The following LARGE1 variants were observed in gnomAD, a reference collection of about 807,000 sequenced individuals.
LARGE1 encodes the protein LARGE xylosyl- and glucuronyltransferase 1.
Under a neutral mutation model 87.6 loss-of-function variants are expected in LARGE1, and 43 were observed. The observed-to-expected ratio is 0.49, with a 90% confidence interval of 0.38 to 0.63. LARGE1 has a LOEUF of 0.63. Among genes scored for constraint, LARGE1 ranks in the 30% least tolerant of loss-of-function variants. The pLI, the probability that LARGE1 is intolerant of heterozygous loss-of-function variation, is 0.00. For missense variants in LARGE1, 802 were observed against 1,000.2 expected (o/e 0.80, Z 2.67); for synonymous variants, 434 against 394.6 (o/e 1.10, Z -1.18).
intron 2 of LARGE1, among the ~76,000 whole-genome samples, chr22:33,665,233 C>A (rs968176338): frequency 6.6e-6 from 1 of 152,328 alleles, no homozygotes; most frequent in Admixed American, 6.5e-5. Context: ...TTCTCCACTC[C>A]ACAAATCACA....
chr22:33,373,809 C>G (rs1054070093), intron 9 of LARGE1, among the ~76,000 whole-genome samples: 1 of 151,894 alleles, frequency 6.6e-6, no homozygotes, highest in Non-Finnish European at 1.5e-5. Flanking sequence ...CCTGTCTCTA[C>G]TAAAAATACA....
intron 6 of LARGE1, among the ~76,000 whole-genome samples, chr22:33,493,135 G>T (rs2069932220): frequency 6.7e-6 from 1 of 149,018 alleles, no homozygotes; most frequent in Non-Finnish European, 1.5e-5. Flanking sequence ...CAAATGGATA[G>T]CTCTACAAGC....
chr22:33,239,077 A>G (rs986593740), intron 11 of LARGE1, among the ~76,000 whole-genome samples: 3 of 151,308 alleles, frequency 2.0e-5, no homozygotes, highest in African/African-American at 7.3e-5. Context: ...CAAAAAGGAG[A>G]GAGAAGGCAA....
chr22:33,294,186 C>A (rs1448875374), intron 12 of LARGE1, among the ~76,000 whole-genome samples: 1 of 152,254 alleles, frequency 6.6e-6, no homozygotes, highest in East Asian at 1.9e-4. Context: ...AATGCCCGTG[C>A]TGACTTCTTT....
intron 1 of LARGE1, among the ~76,000 whole-genome samples, chr22:33,902,515 AT>A (rs1948353660): frequency 6.6e-6 from 1 of 152,014 alleles, no homozygotes; most frequent in Non-Finnish European, 1.5e-5. Flanking sequence ...AACCCCAAGC[AT>A]TTTTCGCAAA....
chr22:33,096,682 C>A, the LARGE1 span, among the ~76,000 whole-genome samples: 2 of 150,640 alleles, frequency 1.3e-5, no homozygotes, highest in Non-Finnish European at 1.5e-5. Context: ...CTCCTGCCTC[C>A]GCCTCCCGAG....
chr22:33,359,410 G>A (rs1432057608), intron 9 of LARGE1, among the ~76,000 whole-genome samples: 2 of 152,056 alleles, frequency 1.3e-5, no homozygotes, highest in African/African-American at 4.8e-5. Context: ...GTCATGCCTG[G>A]AACACCATTC....
chr22:33,610,840 C>G (rs1407138733), intron 4 of LARGE1, among the ~76,000 whole-genome samples: 1 of 152,162 alleles, frequency 6.6e-6, no homozygotes, highest in African/African-American at 2.4e-5. Context: ...CACCATTGCC[C>G]TGCACCACCC....
At chr22:33,090,072 G>C in the LARGE1 span, among the ~76,000 whole-genome samples, 2 of 152,104 alleles carry the variant, frequency 1.3e-5, no homozygotes, top group African/African-American at 4.8e-5. Context: ...CAGATGTGGT[G>C]GTGGGCACCT....
chr22:33,591,579 ATTCT>A lies in LARGE1; in HGVS notation c.615+12852_615+12855del, dbSNP rs1467784925. On this transcript the variant is annotated intron_variant, in intron 5 of 14. Transcript: ENST00000397394. ...CTTTCATCAGATAGATGCTTGGCAA[ATTCT>A]TTCTTTCAGTCTGTAGCTTATCCTT... 3.3e-5 allele frequency among the ~76,000 whole-genome samples: 5 copies of A among 152,028 alleles called. No individual in the cohort carries two copies. In the East Asian group the frequency reaches 5.8e-4, roughly 18 times the overall value.
chr22:33,647,636 G>T (rs2080659970), intron 3 of LARGE1, among the ~76,000 whole-genome samples: 1 of 152,214 alleles, frequency 6.6e-6, no homozygotes, highest in South Asian at 2.1e-4. Flanking sequence ...GCTTAAGCCA[G>T]TGTTAGTTGG....
chr22:33,898,521 G>A (rs997386881), intron 1 of LARGE1, among the ~76,000 whole-genome samples: 2 of 152,208 alleles, frequency 1.3e-5, no homozygotes, highest in Non-Finnish European at 2.9e-5. Context: ...TTGGGAGGCC[G>A]AGGCAGGCGG....
chr22:33,768,570 G>A (rs1393124351), intron 1 of LARGE1, among the ~76,000 whole-genome samples: 1 of 151,994 alleles, frequency 6.6e-6, no homozygotes, highest in Non-Finnish European at 1.5e-5. Flanking sequence ...GTCAAGTCTA[G>A]TCCCGGAGGC....
chr22:33,893,734 C>T (rs748022003), intron 1 of LARGE1, among the ~76,000 whole-genome samples: 3 of 152,156 alleles, frequency 2.0e-5, no homozygotes, highest in South Asian at 2.1e-4. Flanking sequence ...ATATTGGGTT[C>T]CCCACTCACA....
chr22:33,361,853 C>T (rs1447409029), intron 9 of LARGE1, among the ~76,000 whole-genome samples: 1 of 147,740 alleles, frequency 6.8e-6, no homozygotes, highest in East Asian at 1.9e-4. Flanking sequence ...CCAATTAGGT[C>T]TCACTAGAGA....
intron 4 of LARGE1, among the ~76,000 whole-genome samples, chr22:33,613,591 C>T (rs1430517509): frequency 6.6e-6 from 1 of 152,202 alleles, no homozygotes; most frequent in Non-Finnish European, 1.5e-5. Flanking sequence ...CTCCTGGGTT[C>T]AGGAGATTCT....
chr22:33,916,208 G>C (rs1484416657), intron 1 of LARGE1, among the ~76,000 whole-genome samples: 1 of 152,060 alleles, frequency 6.6e-6, no homozygotes, highest in African/African-American at 2.4e-5. Flanking sequence ...TTGAACCCGG[G>C]AGGCGGAGGT....
intron 6 of LARGE1, among the ~76,000 whole-genome samples, chr22:33,537,745 G>C (rs573311656): frequency 6.6e-6 from 1 of 151,800 alleles, no homozygotes; most frequent in Admixed American, 6.6e-5. Context: ...TTTTTTTTTG[G>C]ATTTTTTAGT....
At chr22:33,544,152 C>A (rs1400498316) in intron 6 of LARGE1, among the ~76,000 whole-genome samples, 1 of 152,176 alleles carries the variant, frequency 6.6e-6, no homozygotes, top group Non-Finnish European at 1.5e-5. Flanking sequence ...GGGGAGGACT[C>A]TTGAAGTTTG....
Sources: gnomAD v4.1 joint callset for allele counts (sites outside exome capture counted in the v4.1 genomes callset) on GRCh38, gnomAD v4.1.1 for gene constraint, MANE v1.5 for transcripts, NCBI Gene and HGNC (gene_info 2026-07-23, HGNC 2026-07-21) for gene names.